Variants in VCAN observed in about 807,000 individuals in gnomAD.
VCAN encodes the protein versican core protein.
VCAN carries 44 observed loss-of-function variants against 245.5 expected under a neutral mutation model. That is an observed-to-expected ratio of 0.18 (90% CI 0.14 to 0.23). The LOEUF (loss-of-function observed/expected upper bound fraction) is 0.23, where lower values mean the gene tolerates loss of function less well. VCAN is among the 10% of genes least tolerant of loss of function. The pLI, the probability that VCAN is intolerant of heterozygous loss-of-function variation, is 1.00. For synonymous variants in VCAN, 1,413 were observed against 1,437.0 expected (o/e 0.98, Z 0.38); for missense variants, 3,793 against 4,057.9 (o/e 0.93, Z 1.77).
rs775843686 is a variant in VCAN, at chr5:83,538,590, G to A, written c.5587G>A (p.Glu1863Lys). 1.7e-5 allele frequency: 28 copies of A among 1,613,874 alleles called. No homozygotes were observed. Among genetic ancestry groups the A allele is most frequent in the East Asian group, 1.6e-4 (7 of 44,882 alleles). ...SLNVEYAIQA[E>K]KEVAGTLSPH... The stretch of plus-strand genomic sequence containing the variant: ...AAACGTAGAGTATGCAATTCAAGCC[G>A]AAAAGGAAGTAGCTGGCACTTTGTC... Residue 1863 changes from glutamate (E) to lysine (K), a missense_variant, in exon 8 of 15, where the codon GAA becomes AAA. By Grantham distance (56) the Glu-to-Lys change is moderately conservative (BLOSUM62 1). Transcript: ENST00000265077.
intron 13 of VCAN, among the ~76,000 whole-genome samples, chr5:83,576,345 T>C (rs192067890): frequency 2.0e-5 from 3 of 152,324 alleles, no homozygotes; most frequent in Non-Finnish European, 4.4e-5. Flanking sequence ...CTTTGCTCTT[T>C]TTTTTGTTCA....
In VCAN at chr5:83,564,844, T is replaced by C. The variant is rs373610785; in HGVS notation, c.9736-7572T>C. On this transcript the variant is annotated intron_variant, in intron 12 of 14. Coordinates refer to ENST00000265077, the MANE Select transcript of VCAN (RefSeq NM_004385.5). ...AATAATGTATTGTGAATGGCTTGAC[T>C]ACACACATGTCAAGAATGGTTTTTC... is the stretch of plus-strand genomic sequence containing the variant. Among the ~76,000 whole-genome samples the C allele has an allele frequency of 5.3e-5, 8 of 152,182 alleles. No individual in the cohort carries two copies. In the East Asian group the frequency reaches 9.6e-4, roughly 18 times the overall value.
intron 1 of VCAN, among the ~76,000 whole-genome samples, chr5:83,478,405 A>T (rs754841441): frequency 6.6e-5 from 10 of 152,198 alleles, no homozygotes; most frequent in Non-Finnish European, 1.0e-4. Flanking sequence ...TTTTTAAAAG[A>T]TGTATATACT....
chr5:83,482,571 C>T (rs763022122), intron 1 of VCAN, among the ~76,000 whole-genome samples: 4 of 152,096 alleles, frequency 2.6e-5, no homozygotes, highest in Non-Finnish European at 5.9e-5. Context: ...TAAATGCTAC[C>T]GAGGAGGGCA....
intron 5 of VCAN, among the ~76,000 whole-genome samples, chr5:83,510,122 A>G (rs760363927): frequency 2.6e-5 from 4 of 152,204 alleles, no homozygotes; most frequent in Non-Finnish European, 4.4e-5. Context: ...ATTTGAGATT[A>G]CTGTCTTTTG....
chr5:83,525,890 G>T (rs1286567563), intron 7 of VCAN, among the ~76,000 whole-genome samples: 1 of 152,040 alleles, frequency 6.6e-6, no homozygotes, highest in African/African-American at 2.4e-5. Context: ...GGCTCTGAGG[G>T]CAGGAGCCAT....
chr5:83,498,506 G>A (rs888186137), intron 5 of VCAN, among the ~76,000 whole-genome samples: 1 of 152,104 alleles, frequency 6.6e-6, no homozygotes, highest in Admixed American at 6.5e-5. Flanking sequence ...ACTTCTCCAG[G>A]ATCCATCAGT....
At chr5:83,580,200 T>A in intron 14 of VCAN, 38 bp downstream of exon 14, 1 of 1,614,014 alleles carries the variant, frequency 6.2e-7, no homozygotes, top group Non-Finnish European at 8.5e-7. Flanking sequence ...TACCGTGCTA[T>A]AACAACTACT....
At position 83,540,358 on chromosome 5, in the gene VCAN, G is replaced by C; in HGVS notation, c.7355G>C (p.Arg2452Thr). 1 of 1,614,002 alleles carries C rather than the reference G, an allele frequency of 6.2e-7. No individual in the cohort carries two copies. Among genetic ancestry groups the C allele is most frequent in the Non-Finnish European group, 8.5e-7 (1 of 1,179,962 alleles). Residue 2452 changes from arginine (R) to threonine (T), a missense_variant, in exon 8 of 15, where the codon AGA (arginine) becomes ACA (threonine). Physicochemically the swap from Arg to Thr is moderately conservative, Grantham distance 71. This residue lies in a region of VCAN where 3,182 missense variants were observed against 3,250.3 expected (regional missense o/e 0.98). Transcript: ENST00000265077. ...FHTSATTQAT[R>T]QESSTTFVSD... is the part of the protein sequence containing the mutation. ...ACTTCTGCAACTACTCAGGCAACCAGACAAGAAAGCAGCACCACATTTGTT... is the reference window on the plus strand; with the variant it reads ...ACTTCTGCAACTACTCAGGCAACCACACAAGAAAGCAGCACCACATTTGTT...
chr5:83,509,346 C>A (rs1171266963), intron 5 of VCAN, among the ~76,000 whole-genome samples: 1 of 152,186 alleles, frequency 6.6e-6, no homozygotes, highest in African/African-American at 2.4e-5. Flanking sequence ...AACAGGCCAG[C>A]ACCTACTGAA....
intron 6 of VCAN, among the ~76,000 whole-genome samples, chr5:83,517,463 GT>G (rs1322264655): frequency 6.6e-6 from 1 of 152,042 alleles, no homozygotes; most frequent in Non-Finnish European, 1.5e-5. Flanking sequence ...TTTATATTAT[GT>G]TTCCATGGGA....
intron 2 of VCAN, among the ~76,000 whole-genome samples, chr5:83,489,006 G>C (rs1744878992): frequency 6.6e-6 from 1 of 152,010 alleles, no homozygotes; most frequent in African/African-American, 2.4e-5. Flanking sequence ...TGTTTACATT[G>C]AGAATCCACA....
Position 83,521,657 on chromosome 5 carries a change from T to A in VCAN, c.3351T>A (p.Asp1117Glu). ...GAVTEHKVKTDEVVTLTPRIG... is the reference protein window; with the variant it reads ...GAVTEHKVKTEEVVTLTPRIG... ...TAACTGAGCACAAAGTGAAAACAGA[T>A]GAAGTGGTAACACTAACACCACGCA... is the stretch of plus-strand genomic sequence containing the variant. Residue 1117 changes from aspartate to glutamate, a missense_variant, in exon 7 of 15, where the codon GAT (aspartate) becomes GAA (glutamate). Coordinates refer to ENST00000265077, the MANE Select transcript of VCAN (RefSeq NM_004385.5). The A allele has an allele frequency of 1.9e-6, 3 of 1,613,842 alleles. No individual in the cohort carries two copies. The highest frequency in any genetic ancestry group is 2.5e-6 in the Non-Finnish European group (3 of 1,180,012).
chr5:83,512,379 A>G lies in VCAN; in HGVS notation c.1025A>G (p.Asp342Gly). 6.2e-7 allele frequency: 1 copy of G among 1,612,256 alleles called. No individual in the cohort carries two copies. Among genetic ancestry groups the G allele is most frequent in the Non-Finnish European group, 8.5e-7 (1 of 1,178,542 alleles). ...TGFPPPDSRFDAYCFKPKEAT... is the reference protein window; with the variant it reads ...TGFPPPDSRFGAYCFKPKEAT... ...TTCCCTCCCCCTGATAGCAGATTTG[A>G]TGCCTACTGCTTTAAACGTAAGTGT... The change falls in exon 6 of 15, where the codon GAT (aspartate) becomes GGT (glycine). Residue 342 changes from aspartate (D) to glycine (G), a missense_variant. Physicochemically the swap from Asp to Gly is moderately conservative, Grantham distance 94. This residue lies in a region of VCAN where 190 missense variants were observed against 288.6 expected (regional missense o/e 0.66). Coordinates refer to ENST00000265077, the MANE Select transcript of VCAN (RefSeq NM_004385.5).
At chr5:83,559,671 G>A (rs975438949) in intron 12 of VCAN, among the ~76,000 whole-genome samples, 2 of 152,002 alleles carry the variant, frequency 1.3e-5, no homozygotes, top group Non-Finnish European at 2.9e-5. Context: ...CATCTTTTTT[G>A]TCCTCCACCC....
At chr5:83,508,456 A>G (rs1745545685) in intron 5 of VCAN, among the ~76,000 whole-genome samples, 1 of 152,200 alleles carries the variant, frequency 6.6e-6, no homozygotes. Flanking sequence ...CACGTTTGGT[A>G]TAGATTGGGT....
rs368393783 is a variant in VCAN at position 83,519,441 on chromosome 5, A to G, written c.1135A>G (p.Thr379Ala). ...KEPQMVSDRTTPIIPLVDELP... is the reference protein window; with the variant it reads ...KEPQMVSDRTAPIIPLVDELP... ...ACCACAAATGGTTTCTGATAGAACT[A>G]CACCAATCATCCCTTTAGTTGATGA... Residue 379 changes from threonine to alanine, a missense_variant, in exon 7 of 15, where the codon ACA becomes GCA. Thr to Ala is a moderately conservative substitution (Grantham distance 58, BLOSUM62 0). This residue lies in a region of VCAN where 3,182 missense variants were observed against 3,250.3 expected (regional missense o/e 0.98). Coordinates refer to ENST00000265077, the MANE Select transcript of VCAN (RefSeq NM_004385.5). 65 of 1,614,078 alleles carry G rather than the reference A, an allele frequency of 4.0e-5. No individual in the cohort carries two copies. Among genetic ancestry groups the G allele is most frequent in the Non-Finnish European group, 5.3e-5 (63 of 1,179,984 alleles).
rs1748555786 is a variant in VCAN, at chr5:83,578,469, C to T, written c.9881-1511C>T. On this transcript the variant is annotated intron_variant, in intron 13 of 14. Transcript: ENST00000265077. The stretch of plus-strand genomic sequence containing the variant: ...CTATATAACAAGCCTACACATTTAC[C>T]CCTGAACTTAAAAGTTAAAAAAAAA... Among the ~76,000 whole-genome samples the T allele has an allele frequency of 2.0e-5, 3 of 151,594 alleles. 1 individual carries two copies. The South Asian group carries it at 6.2e-4, about 32-fold the overall frequency.
chr5:83,480,919 T>A (rs1744591118), intron 1 of VCAN, among the ~76,000 whole-genome samples: 1 of 152,218 alleles, frequency 6.6e-6, no homozygotes, highest in Non-Finnish European at 1.5e-5. Flanking sequence ...TGAGTACTGA[T>A]ATATTGTATA....
Sources: allele counts gnomAD v4.1 joint callset (sites outside exome capture counted in the v4.1 genomes callset), GRCh38; gene constraint gnomAD v4.1.1; regional missense constraint gnomAD v4.1.1; transcripts MANE v1.5; gene names NCBI Gene and HGNC (gene_info 2026-07-23, HGNC 2026-07-21).